Variants in CCDC30 observed in about 807,000 individuals in gnomAD.
CCDC30 encodes coiled-coil domain-containing protein 30.
Under a neutral mutation model 100.2 loss-of-function variants are expected in CCDC30, and 70 were observed. The observed-to-expected ratio is 0.70, with a 90% CI of 0.58 to 0.85. The LOEUF is 0.85. CCDC30 is among the 40% of genes least tolerant of loss of function. CCDC30 has a pLI of 0.00. For synonymous variants in CCDC30, 233 were observed against 269.5 expected, an observed-to-expected ratio of 0.86 and a Z score of 1.33; for missense variants, 652 against 771.2, an observed-to-expected ratio of 0.85 and a Z score of 1.83.
At chr1:42,580,074 G>A (rs1645930988) in intron 8 of CCDC30, among the ~76,000 whole-genome samples, 1 of 152,152 alleles carries the variant, frequency 6.6e-6, no homozygotes, top group South Asian at 2.1e-4. Context: ...TTCAAGTATT[G>A]GAAATGTTCC....
At chr1:42,632,334 G>A (rs12032077) in intron 11 of CCDC30, among the ~76,000 whole-genome samples, 20,218 of 152,024 alleles carry the variant, frequency 0.13, 1,562 homozygotes, top group East Asian at 0.28. Context: ...GGGCGTGGTG[G>A]TACACACTTG....
rs555583612 is a variant in CCDC30 at position 42,608,813 on chromosome 1, G to C, written c.1165-2165G>C. 4.0e-5 allele frequency among the ~76,000 whole-genome samples: 6 copies of C among 150,782 alleles called. No individual in the cohort carries two copies. In the South Asian group the frequency reaches 1.3e-3, roughly 32 times the overall value. Reference sequence around the variant, plus strand: ...AGGAGGAATTACCATAAGACAACTTGATGGAGATTAGCACTTTCAAACCAG... The same window carrying C: ...AGGAGGAATTACCATAAGACAACTTCATGGAGATTAGCACTTTCAAACCAG... On this transcript the variant is annotated intron_variant, in intron 10 of 16. Coordinates refer to ENST00000668663, the Ensembl canonical transcript of CCDC30.
chr1:42,615,314 G>C (rs1174714792), intron 11 of CCDC30, among the ~76,000 whole-genome samples: 1 of 152,048 alleles, frequency 6.6e-6, no homozygotes, highest in Admixed American at 6.5e-5. Flanking sequence ...TTTGTTTTTT[G>C]AGACAGGATC....
intron 10 of CCDC30, among the ~76,000 whole-genome samples, chr1:42,597,150 A>C (rs1323634243): frequency 1.3e-5 from 2 of 152,202 alleles, no homozygotes; most frequent in African/African-American, 4.8e-5. Flanking sequence ...AATATCTAAG[A>C]TCTGTGGGAT....
chr1:42,644,849 G>T (rs773703844), intron 14 of CCDC30, 42 bp downstream of exon 18: 2 of 1,280,294 alleles, frequency 1.6e-6, no homozygotes, highest in Non-Finnish European at 2.3e-6. Flanking sequence ...TTAATGTGAA[G>T]TTCGGGTTGC....
chr1:42,463,369 C>T (rs981559797), exon 1 of CCDC30: 1 of 152,222 alleles, frequency 6.6e-6, no homozygotes, highest in Non-Finnish European at 1.5e-5. Context: ...GCTCGCGGCA[C>T]CCTCCGCAGG....
chr1:42,550,122 T>C (rs1645219712), intron 6 of CCDC30, among the ~76,000 whole-genome samples: 2 of 152,132 alleles, frequency 1.3e-5, no homozygotes, highest in Non-Finnish European at 2.9e-5. Flanking sequence ...AGCCAAAACC[T>C]AGGAGTCACC....
intron 11 of CCDC30, among the ~76,000 whole-genome samples, chr1:42,636,687 T>TC (rs1647162684): frequency 6.6e-6 from 1 of 151,562 alleles, no homozygotes; most frequent in Non-Finnish European, 1.5e-5. Context: ...ACCAAGGTAG[T>TC]CCAAGTGCGG....
intron 10 of CCDC30, chr1:42,591,924 T>G (rs1471457656): frequency 6.6e-6 from 1 of 152,242 alleles, no homozygotes; most frequent in Non-Finnish European, 1.5e-5. Flanking sequence ...GGGAGAGTAT[T>G]TTGGAGCTTT....
chr1:42,456,554 G>A, the CCDC30 span: 3 of 1,458,290 alleles, frequency 2.1e-6, no homozygotes, highest in African/African-American at 2.9e-5. Flanking sequence ...GGCGCCGGCC[G>A]CTGCGCTGCA....
chr1:42,581,274 G>A (rs530548456), intron 8 of CCDC30, 86 bp from the exon 13 acceptor site: 3 of 983,880 alleles, frequency 3.0e-6, no homozygotes, highest in African/African-American at 3.3e-5. Flanking sequence ...GCACTGCTAT[G>A]TTTGCTATTT....
In CCDC30 at chr1:42,582,616, A is replaced by G. The variant is rs539022687; in HGVS notation, c.1001+1102A>G. Among the ~76,000 whole-genome samples, 25 of 152,184 alleles carry G rather than the reference A, an allele frequency of 1.6e-4. No individual in the cohort carries two copies. In the South Asian group the frequency reaches 5.0e-3, roughly 30 times the overall value. On this transcript the variant is annotated intron_variant, in intron 9 of 16. Transcript: ENST00000668663. ...AAGCTTTGGCTACCTTTCTCAAAAC[A>G]CTCTCATAATAAACAGGTTATCATT...
At chr1:42,607,567 A>G (rs1266045153) in intron 10 of CCDC30, among the ~76,000 whole-genome samples, 2 of 151,968 alleles carry the variant, frequency 1.3e-5, no homozygotes, top group Admixed American at 1.3e-4. Flanking sequence ...AAAAAAAAAA[A>G]AAAAAAGAAA....
chr1:42,622,235 C>T (rs1284587049), intron 11 of CCDC30, among the ~76,000 whole-genome samples: 2 of 152,170 alleles, frequency 1.3e-5, no homozygotes, highest in Non-Finnish European at 2.9e-5. Context: ...TAATGACCTC[C>T]AGTTCCATCC....
chr1:42,617,062 G>A (rs143502626), intron 11 of CCDC30, among the ~76,000 whole-genome samples: 1 of 152,258 alleles, frequency 6.6e-6, no homozygotes, highest in Non-Finnish European at 1.5e-5. Context: ...CTTATAAAAG[G>A]AATTAGAAGG....
intron 11 of CCDC30, among the ~76,000 whole-genome samples, chr1:42,635,774 C>T (rs1647141607): frequency 6.7e-6 from 1 of 150,150 alleles, no homozygotes; most frequent in Non-Finnish European, 1.5e-5. Context: ...CACCACTGCA[C>T]TCCAGCCTGG....
chr1:42,457,524 C>T, the CCDC30 span: 2 of 624,736 alleles, frequency 3.2e-6, no homozygotes, highest in East Asian at 5.4e-5. Context: ...GGGAGCTGGA[C>T]ACAGACATAA....
chr1:42,490,821 G>A (rs1021065522), intron 4 of CCDC30, among the ~76,000 whole-genome samples: 1 of 152,102 alleles, frequency 6.6e-6, no homozygotes, highest in East Asian at 1.9e-4. Flanking sequence ...TTATATGTCT[G>A]ACTCCCAAAC....
At chr1:42,577,797 C>T (rs1176361492) in intron 8 of CCDC30, among the ~76,000 whole-genome samples, 2 of 151,934 alleles carry the variant, frequency 1.3e-5, no homozygotes, top group Non-Finnish European at 2.9e-5. Flanking sequence ...TCCACCACCA[C>T]GCCCGGCTAA....
Sources: gnomAD v4.1 joint callset for allele counts (sites outside exome capture counted in the v4.1 genomes callset) on GRCh38, gnomAD v4.1.1 for gene constraint, MANE v1.5 for transcripts, NCBI Gene and HGNC (gene_info 2026-07-23, HGNC 2026-07-21) for gene names.